SLC30A4: variants seen among roughly 807,000 people sequenced by gnomAD.
SLC30A4 encodes the protein solute carrier family 30 member 4.
A neutral mutation model predicts 41.7 loss-of-function variants in SLC30A4; 20 were observed. The ratio of observed to expected loss-of-function variants is 0.48; its 90% CI spans 0.34 to 0.70. The LOEUF (loss-of-function observed/expected upper bound fraction) is 0.70. Among genes scored for constraint, SLC30A4 ranks in the 30% least tolerant of loss-of-function variants. The probability of loss-of-function intolerance (pLI) is 0.01; values close to 1 mark genes in which losing one functional copy is unlikely to be tolerated. For missense variants in SLC30A4, 441 were observed against 529.3 expected (o/e 0.83, Z 1.64); for synonymous variants, 181 against 195.9 (o/e 0.92, Z 0.64).
Position 45,484,511 on chromosome 15 carries a change from T to A in SLC30A4, c.*652A>T, listed in dbSNP as rs1027588516. 3.9e-5 allele frequency: 6 copies of A among 152,208 alleles called. No individual in the cohort carries two copies. Among genetic ancestry groups the A allele is most frequent in the Admixed American group, 6.5e-5 (1 of 15,268 alleles). The allele number at this position is 152,208 out of a possible 1,614,324, so 9.4% of individuals were successfully genotyped here. A position where few individuals can be genotyped will look rare whatever the true frequency, so the allele number is the denominator to read the frequency against. The stretch of plus-strand genomic sequence containing the variant: ...ATAAATAAAGATTTGGTTCTAAGAT[T>A]ACAAATAATGAAAAATGTTAACTTT... On this transcript the variant is annotated 3_prime_UTR_variant, in exon 8 of 8. Coordinates refer to ENST00000261867, the MANE Select transcript of SLC30A4 (RefSeq NM_013309.6).
intron 3 of SLC30A4, among the ~76,000 whole-genome samples, chr15:45,507,039 T>C (rs1892169761): frequency 6.6e-6 from 1 of 152,126 alleles, no homozygotes; most frequent in African/African-American, 2.4e-5. Context: ...TAGTAAGGCT[T>C]GGCTGGGGGC....
intron 7 of SLC30A4, among the ~76,000 whole-genome samples, chr15:45,486,005 C>G (rs1053454165): frequency 6.6e-6 from 1 of 151,620 alleles, no homozygotes; most frequent in Non-Finnish European, 1.5e-5. Flanking sequence ...AGGCGTGAGT[C>G]AACGCGCCAG....
chr15:45,480,984 G>A lies in SLC30A4; in HGVS notation c.*4179C>T, dbSNP rs983940777. On this transcript the variant is annotated 3_prime_UTR_variant, in exon 8 of 8. Coordinates refer to ENST00000261867, the MANE Select transcript of SLC30A4 (RefSeq NM_013309.6). ...ATACCTGGACATACATTTCTAAGCG[G>A]TGCCTTGTCTCTGAAAGATGATTTT... 1 of 152,196 alleles carries A rather than the reference G, an allele frequency of 6.6e-6. No individual in the cohort carries two copies. Among genetic ancestry groups the A allele is most frequent in the Non-Finnish European group, 1.5e-5 (1 of 68,048 alleles). 9.4% of individuals were successfully genotyped at this position (152,196 alleles called of 1,614,324 possible).
chr15:45,487,551 C>T lies in SLC30A4; in HGVS notation c.976G>A (p.Asp326Asn). The T allele has an allele frequency of 6.6e-7, 1 of 1,519,746 alleles. No individual in the cohort carries two copies. The highest frequency in any genetic ancestry group is 9.1e-7 in the Non-Finnish European group (1 of 1,095,218). The allele number at this position is 1,519,746 out of a possible 1,614,324, so 94.1% of individuals were successfully genotyped here. ...CCTTCTAGTATTATAACTACTGTAT[C>T]CCATATGATTCGAAATGTTGTAAAA... ...VAFTTFRIIW[D>N]TVVIILEGVP... The change falls in exon 6 of 8, where the codon GAT becomes AAT. Residue 326 changes from aspartate to asparagine, a missense_variant. Around this residue, in one of 3 missense-constraint regions of SLC30A4, gnomAD observed 100 missense variants for 121.0 expected, o/e 0.83. Coordinates refer to ENST00000261867, the MANE Select transcript of SLC30A4 (RefSeq NM_013309.6).
chr15:45,516,367 T>C (rs1242144875), intron 2 of SLC30A4, among the ~76,000 whole-genome samples: 2 of 152,196 alleles, frequency 1.3e-5, no homozygotes, highest in Non-Finnish European at 2.9e-5. Context: ...TGATGCACAC[T>C]AAAGCTTCAG....
At chr15:45,520,939 A>T (rs975708187) in intron 2 of SLC30A4, 2 of 431,984 alleles carry the variant, frequency 4.6e-6, no homozygotes, top group African/African-American at 4.2e-5. Context: ...AACGCCTTAG[A>T]GGCAAAAAGA....
At chr15:45,510,137 G>GTGC in intron 3 of SLC30A4, among the ~76,000 whole-genome samples, 2 of 151,814 alleles carry the variant, frequency 1.3e-5, no homozygotes, top group Non-Finnish European at 2.9e-5. Flanking sequence ...CTGGGCAACA[G>GTGC]AATAAGACTC....
intron 3 of SLC30A4, among the ~76,000 whole-genome samples, chr15:45,496,025 G>T (rs960289257): frequency 6.6e-6 from 1 of 152,036 alleles, no homozygotes; most frequent in African/African-American, 2.4e-5. Flanking sequence ...ATGTCTTCTG[G>T]GATAGAGTAG....
At chr15:45,507,475 C>T (rs1892185818) in intron 3 of SLC30A4, among the ~76,000 whole-genome samples, 1 of 150,710 alleles carries the variant, frequency 6.6e-6, no homozygotes, top group Admixed American at 6.6e-5. Flanking sequence ...AAACTTTTCT[C>T]CTGGTTCTGT....
At chr15:45,518,396 C>T (rs769945794) in intron 2 of SLC30A4, among the ~76,000 whole-genome samples, 3 of 152,284 alleles carry the variant, frequency 2.0e-5, no homozygotes, top group East Asian at 1.9e-4. Flanking sequence ...ATAATAGTTT[C>T]GTTCTCCATT....
chr15:45,506,429 G>A (rs1359356400), intron 3 of SLC30A4, among the ~76,000 whole-genome samples: 2 of 152,134 alleles, frequency 1.3e-5, no homozygotes, highest in African/African-American at 4.8e-5. Flanking sequence ...TCTGGAATTA[G>A]AGATCACAAG....
rs1274431807 is a variant in SLC30A4, at chr15:45,484,223, C to T, written c.*940G>A. On this transcript the variant is annotated 3_prime_UTR_variant, in exon 8 of 8. Coordinates refer to ENST00000261867, the MANE Select transcript of SLC30A4 (RefSeq NM_013309.6). The stretch of plus-strand genomic sequence containing the variant: ...TGGAGTGGAGGCAGGAACCAACGTA[C>T]CACATTTTTTGTACAAATTGTTGGC... 1.3e-5 allele frequency: 2 copies of T among 152,400 alleles called. No individual in the cohort carries two copies. Among genetic ancestry groups the T allele is most frequent in the African/African-American group, 4.8e-5 (2 of 41,436 alleles). The allele number at this position is 152,400 out of a possible 1,614,324, so 9.4% of individuals were successfully genotyped here. A position where few individuals can be genotyped will look rare whatever the true frequency, so the allele number is the denominator to read the frequency against.
At position 45,489,042 on chromosome 15, in the gene SLC30A4, T is replaced by C. The variant is rs774864329; in HGVS notation, c.693A>G (p.Ile231Met). 6.3e-7 allele frequency: 1 copy of C among 1,598,694 alleles called. No individual in the cohort carries two copies. The highest frequency in any genetic ancestry group is 1.8e-5 in the Admixed American group (1 of 56,436). ...TAAVGVAVNV[I>M]MGFLLNQSGH... Reference sequence around the variant, plus strand: ...CAGACTGGTTCAACAGAAACCCCATTCTGTTAAAAATAAAAGAAAACATTA... The same window carrying C: ...CAGACTGGTTCAACAGAAACCCCATCCTGTTAAAAATAAAAGAAAACATTA... Residue 231 changes from isoleucine to methionine, a missense_variant and splice_region_variant, in exon 5 of 8, where the codon ATA becomes ATG. Ile to Met is a conservative substitution (Grantham distance 10). Transcript: ENST00000261867.
chr15:45,495,160 AT>A (rs1891886923), intron 3 of SLC30A4, among the ~76,000 whole-genome samples: 1 of 152,186 alleles, frequency 6.6e-6, no homozygotes, highest in Non-Finnish European at 1.5e-5. Context: ...AAAAAAAAAA[AT>A]TACAAAGCAA....
chr15:45,485,272 T>C lies in SLC30A4; in HGVS notation c.1181A>G (p.Asn394Ser), dbSNP rs1376783028. 6.2e-7 allele frequency: 1 copy of C among 1,612,226 alleles called. No homozygotes were observed. Among genetic ancestry groups the C allele is most frequent in the Non-Finnish European group, 8.5e-7 (1 of 1,178,950 alleles). ...GCCAAATGTGTTCAATAATAAATGG[T>C]TTGCTTTGGACTGTACTTCCTCCCA... ...SKWEEVQSKA[N>S]HLLLNTFGMY... The change falls in exon 8 of 8, where the codon AAC (asparagine) becomes AGC (serine). Residue 394 changes from asparagine to serine, a missense_variant. This residue lies in a region of SLC30A4 where 100 missense variants were observed against 121.0 expected (regional missense o/e 0.83). Coordinates refer to ENST00000261867, the MANE Select transcript of SLC30A4 (RefSeq NM_013309.6).
At chr15:45,517,767 T>C (rs1892531677) in intron 2 of SLC30A4, among the ~76,000 whole-genome samples, 1 of 151,610 alleles carries the variant, frequency 6.6e-6, no homozygotes, top group Non-Finnish European at 1.5e-5. Flanking sequence ...GCTAACACGG[T>C]GAAACCCCGT....
chr15:45,487,665 A>G lies in SLC30A4; in HGVS notation c.895-33T>C, dbSNP rs1481109219. On this transcript the variant is annotated intron_variant, in intron 5 of 7. Coordinates refer to ENST00000261867, the MANE Select transcript of SLC30A4 (RefSeq NM_013309.6). ...GTAATAGATCAAAATTTATGATTAA[A>G]TAGACAAATATAAAACAGACTGCAA... 5 of 998,038 alleles carry G rather than the reference A, an allele frequency of 5.0e-6. No individual in the cohort carries two copies. In the East Asian group the frequency reaches 7.2e-5, roughly 14 times the overall value. The allele number at this position is 998,038 out of a possible 1,614,324, so 61.8% of individuals were successfully genotyped here.
At chr15:45,517,507 C>A (rs1004347524) in intron 2 of SLC30A4, among the ~76,000 whole-genome samples, 1 of 151,620 alleles carries the variant, frequency 6.6e-6, no homozygotes, top group Non-Finnish European at 1.5e-5. Context: ...GCACGTGCCA[C>A]CATGCCTGGC....
At chr15:45,490,072 T>G (rs142091290) in intron 4 of SLC30A4, among the ~76,000 whole-genome samples, 1,727 of 152,276 alleles carry the variant, frequency 0.011, 21 homozygotes, top group African/African-American at 0.04. Context: ...ATTAAATCTG[T>G]TAACTTCAAC....
Sources: gnomAD v4.1 joint callset for allele counts (sites outside exome capture counted in the v4.1 genomes callset) on GRCh38, gnomAD v4.1.1 for gene constraint, gnomAD v4.1.1 regional missense constraint, MANE v1.5 for transcripts, NCBI Gene and HGNC (gene_info 2026-07-23, HGNC 2026-07-21) for gene names.